The following SLC30A6 variants were observed in gnomAD, a reference collection of about 807,000 sequenced individuals.
SLC30A6 encodes the protein zinc transporter 6.
In SLC30A6, 55 loss-of-function variants were observed where a neutral mutation model predicts 63.0. The ratio of observed to expected loss-of-function variants is 0.87; its 90% CI spans 0.70 to 1.09. The LOEUF (loss-of-function observed/expected upper bound fraction) is 1.09, where lower values mean the gene tolerates loss of function less well. SLC30A6 is among the 50% of genes least tolerant of loss of function. The pLI, the probability that SLC30A6 is intolerant of heterozygous loss-of-function variation, is 0.00. For synonymous variants in SLC30A6, 224 were observed against 186.1 expected, an observed-to-expected ratio of 1.20 and a Z score of -1.66; for missense variants, 587 against 549.2, an observed-to-expected ratio of 1.07 and a Z score of -0.69.
At chr2:32,211,791 T>G (rs1420236010) in intron 13 of SLC30A6, among the ~76,000 whole-genome samples, 4 of 150,212 alleles carry the variant, frequency 2.7e-5, no homozygotes, top group Non-Finnish European at 4.4e-5. Flanking sequence ...CTAATTTTTG[T>G]TTTTTTTTAG....
chr2:32,199,428 T>C (rs1051722113), intron 10 of SLC30A6, among the ~76,000 whole-genome samples: 1 of 152,220 alleles, frequency 6.6e-6, no homozygotes, highest in Admixed American at 6.5e-5. Context: ...TTTTTATTTT[T>C]GTAGGCACAT....
In SLC30A6 at chr2:32,222,221, A is replaced by G. The variant is rs1260899707; in HGVS notation, c.*1508A>G. ...ATGGCTAGTATTACTTCCAAAAAGT[A>G]TAACAAGCAGCAGTCACACATGACC... On this transcript the variant is annotated 3_prime_UTR_variant, in exon 14 of 14. Coordinates refer to ENST00000282587, the MANE Select transcript of SLC30A6 (RefSeq NM_017964.5). The G allele has an allele frequency of 1.3e-5, 2 of 152,216 alleles. No homozygotes were observed. Among genetic ancestry groups the G allele is most frequent in the Non-Finnish European group, 2.9e-5 (2 of 68,026 alleles). 9.4% of individuals were successfully genotyped at this position (152,216 alleles called of 1,614,324 possible).
intron 5 of SLC30A6, among the ~76,000 whole-genome samples, chr2:32,190,435 G>C (rs1683224747): frequency 6.6e-6 from 1 of 151,290 alleles, no homozygotes; most frequent in Non-Finnish European, 1.5e-5. Context: ...CTCCAGCCTG[G>C]GCGACAGAGT....
At chr2:32,172,014 G>A (rs1480632935) in intron 2 of SLC30A6, among the ~76,000 whole-genome samples, 2 of 152,162 alleles carry the variant, frequency 1.3e-5, no homozygotes, top group Non-Finnish European at 1.5e-5. Context: ...CATTTTTAAT[G>A]TAGGGCAAGA....
At position 32,224,222 on chromosome 2, in the gene SLC30A6, A is replaced by G. The variant is rs2148926768; in HGVS notation, c.*3509A>G. On this transcript the variant is annotated 3_prime_UTR_variant, in exon 14 of 14. Transcript: ENST00000282587. ...ACATGCCAGGCACTATACTAAGTTA[A>G]TATGCATTCAGTATACCAGTTGGTG... 1 of 372,864 alleles carries G rather than the reference A, an allele frequency of 2.7e-6. No individual in the cohort carries two copies. The highest frequency in any genetic ancestry group is 4.8e-6 in the Non-Finnish European group (1 of 208,218). 23.1% of individuals were successfully genotyped at this position (372,864 alleles called of 1,614,324 possible). A position where few individuals can be genotyped will look rare whatever the true frequency, so the allele number is the denominator to read the frequency against.
Position 32,220,844 on chromosome 2 carries a change from T to C in SLC30A6, c.*131T>C, listed in dbSNP as rs1324538751. Reference sequence around the variant, plus strand: ...TAATAGTAGTCTTGTTCACATTTCATGAAACCTATGAAACTATATTTTTGT... The same window carrying C: ...TAATAGTAGTCTTGTTCACATTTCACGAAACCTATGAAACTATATTTTTGT... On this transcript the variant is annotated 3_prime_UTR_variant, in exon 14 of 14. Coordinates refer to ENST00000282587, the MANE Select transcript of SLC30A6 (RefSeq NM_017964.5). 1.3e-6 allele frequency: 1 copy of C among 794,782 alleles called. No homozygotes were observed. The highest frequency in any genetic ancestry group is 1.7e-5 in the African/African-American group (1 of 57,618). The allele number at this position is 794,782 out of a possible 1,614,324, so 49.2% of individuals were successfully genotyped here. A position where few individuals can be genotyped will look rare whatever the true frequency, so the allele number is the denominator to read the frequency against.
At chr2:32,218,588 G>A (rs1685905948) in intron 13 of SLC30A6, among the ~76,000 whole-genome samples, 1 of 151,488 alleles carries the variant, frequency 6.6e-6, no homozygotes, top group Non-Finnish European at 1.5e-5. Flanking sequence ...ACAGAGTCTT[G>A]TTCTGTCTCC....
intron 10 of SLC30A6, chr2:32,201,598 T>G (rs1573370890): frequency 1.3e-6 from 2 of 1,492,102 alleles, no homozygotes; most frequent in South Asian, 2.5e-5. Flanking sequence ...CAGTGGCCAG[T>G]AATGCCTGGG....
At chr2:32,203,219 C>A in intron 10 of SLC30A6, 1 of 1,082,448 alleles carries the variant, frequency 9.2e-7, no homozygotes, top group East Asian at 2.4e-5. Flanking sequence ...AGTCTATATC[C>A]ATCGTTCTGG....
rs755103564 is a variant in SLC30A6 at position 32,220,555 on chromosome 2, G to A, written c.1228G>A (p.Gly410Ser). 1.2e-6 allele frequency: 2 copies of A among 1,614,168 alleles called. No individual in the cohort carries two copies. Among genetic ancestry groups the A allele is most frequent in the Non-Finnish European group, 1.7e-6 (2 of 1,180,036 alleles). ...ILLNTQTRPY[G>S]FGLNHGHTPY... ...TCTAAACACACAAACAAGGCCTTAT[G>A]GTTTTGGTCTCAATCATGGACACAC... Residue 410 changes from glycine to serine, a missense_variant, in exon 14 of 14, where the codon GGT becomes AGT. Gly to Ser is a moderately conservative substitution (Grantham distance 56). Transcript: ENST00000282587.
intron 4 of SLC30A6, among the ~76,000 whole-genome samples, chr2:32,176,074 A>T (rs944232152): frequency 6.6e-6 from 1 of 152,166 alleles, no homozygotes; most frequent in African/African-American, 2.4e-5. Flanking sequence ...TTTGTAATTC[A>T]TACCTCAGAG....
intron 5 of SLC30A6, among the ~76,000 whole-genome samples, chr2:32,191,568 A>G (rs754775125): frequency 3.3e-5 from 5 of 152,248 alleles, no homozygotes; most frequent in Non-Finnish European, 5.9e-5. Context: ...ATATATTCAT[A>G]ATTCACTGTA....
In SLC30A6 at chr2:32,223,473, A is replaced by C. The variant is rs1478108774; in HGVS notation, c.*2760A>C. 2 of 152,240 alleles carry C rather than the reference A, an allele frequency of 1.3e-5. No individual in the cohort carries two copies. Among genetic ancestry groups the C allele is most frequent in the African/African-American group, 4.8e-5 (2 of 41,480 alleles). 9.4% of individuals were successfully genotyped at this position (152,240 alleles called of 1,614,324 possible). On this transcript the variant is annotated 3_prime_UTR_variant, in exon 14 of 14. Coordinates refer to ENST00000282587, the MANE Select transcript of SLC30A6 (RefSeq NM_017964.5). ...ATCATCTGAGCTTTCTCATCTGTAA[A>C]GTTAGGGAGAGGAATTAATTAGTTG...
At chr2:32,165,973 A>T in intron 1 of SLC30A6, 70 bp downstream of exon 1, 1 of 1,609,884 alleles carries the variant, frequency 6.2e-7, no homozygotes, top group Non-Finnish European at 8.5e-7. Context: ...TCCCGAAGCG[A>T]CCTTGAAATC....
At chr2:32,196,701 A>C (rs1683820535) in intron 8 of SLC30A6, among the ~76,000 whole-genome samples, 1 of 152,076 alleles carries the variant, frequency 6.6e-6, no homozygotes, top group South Asian at 2.1e-4. Flanking sequence ...TGGTTTTCAG[A>C]TTTGGGATCC....
rs577944150 is a variant in SLC30A6 at position 32,215,780 on chromosome 2, C to T, written c.886-4433C>T. Among the ~76,000 whole-genome samples the T allele has an allele frequency of 5.9e-5, 9 of 152,184 alleles. No homozygotes were observed. In the South Asian group the frequency reaches 1.7e-3, roughly 28 times the overall value. On this transcript the variant is annotated intron_variant, in intron 13 of 13. Transcript: ENST00000282587. ...AGTGCAGGGGTATAGTCATGGCTCACTGCAGCCTCAACCCTCTAGGCTCAA... is the reference window on the plus strand; with the variant it reads ...AGTGCAGGGGTATAGTCATGGCTCATTGCAGCCTCAACCCTCTAGGCTCAA...
At chr2:32,215,395 A>AT (rs1685608991) in intron 13 of SLC30A6, among the ~76,000 whole-genome samples, 1 of 151,410 alleles carries the variant, frequency 6.6e-6, no homozygotes, top group African/African-American at 2.4e-5. Context: ...GGGTTTTGCC[A>AT]TGTTGTCCAG....
At chr2:32,208,710 C>T (rs1038755639) in intron 12 of SLC30A6, among the ~76,000 whole-genome samples, 67 of 151,864 alleles carry the variant, frequency 4.4e-4, no homozygotes, top group African/African-American at 1.4e-3. Flanking sequence ...GACAGGGTTT[C>T]GCCATGTTGG....
intron 13 of SLC30A6, among the ~76,000 whole-genome samples, chr2:32,216,076 G>A (rs549328992): frequency 6.6e-6 from 1 of 152,194 alleles, no homozygotes; most frequent in Middle Eastern, 3.2e-3. Context: ...TATATACCCA[G>A]TTATGGGATT....
Sources: gnomAD v4.1 joint callset for allele counts (sites outside exome capture counted in the v4.1 genomes callset) on GRCh38, gnomAD v4.1.1 for gene constraint, MANE v1.5 for transcripts, NCBI Gene and HGNC (gene_info 2026-07-23, HGNC 2026-07-21) for gene names.